The following CLIP2 variants were observed in gnomAD, a reference collection of about 807,000 sequenced individuals.
The protein encoded by CLIP2 is CAP-Gly domain containing linker protein 2.
Under a neutral mutation model 111.7 loss-of-function variants are expected in CLIP2, and 41 were observed. The observed-to-expected ratio is 0.37, with a 90% CI of 0.29 to 0.48. The LOEUF (loss-of-function observed/expected upper bound fraction) is 0.48. Ranked by LOEUF, CLIP2 falls within the 20% of genes least tolerant of loss-of-function variation. CLIP2 has a pLI of 0.99. For synonymous variants in CLIP2, 660 were observed against 644.2 expected (o/e 1.02, Z -0.37); for missense variants, 1,160 against 1,422.1 (o/e 0.82, Z 2.96).
chr7:74,357,561 G>A, intron 6 of CLIP2, 84 bp downstream of exon 6: 1 of 1,292,152 alleles, frequency 7.7e-7, no homozygotes. Context: ...ACCCTGGAGG[G>A]GGTGGGTGCA....
chr7:74,306,277 G>A (rs1260342848), intron 1 of CLIP2, among the ~76,000 whole-genome samples: 1 of 152,132 alleles, frequency 6.6e-6, no homozygotes, highest in East Asian at 1.9e-4. Context: ...TGGGGACTGC[G>A]GGTTACACCT....
Position 74,352,698 on chromosome 7 carries a change from CA to C in CLIP2, c.679-1167del, listed in dbSNP as rs56250956. ...TGAGGTAGGAGAATCAACACTGTCT[CA>C]AAAAAAAAAAAAAATTTTTAGATAT... On this transcript the variant is annotated intron_variant, in intron 3 of 16. Coordinates refer to ENST00000223398, the MANE Select transcript of CLIP2 (RefSeq NM_003388.5). Among the ~76,000 whole-genome samples the C allele has an allele frequency of 7.1e-4, 94 of 132,054 alleles. 1 individual carries two copies. Among genetic ancestry groups the C allele is most frequent in the South Asian group, 4.8e-3 (19 of 3,980 alleles). The allele number at this position is 132,054 out of a possible 152,430, so 86.6% of individuals were successfully genotyped here.
At chr7:74,384,331 G>A (rs112785054) in intron 11 of CLIP2, among the ~76,000 whole-genome samples, 52 of 151,976 alleles carry the variant, frequency 3.4e-4, no homozygotes, top group African/African-American at 1.2e-3. Context: ...TCTACCTTTT[G>A]GCTATTGTGA....
intron 1 of CLIP2, among the ~76,000 whole-genome samples, chr7:74,295,004 A>G (rs1026788066): frequency 6.6e-6 from 1 of 152,244 alleles, no homozygotes; most frequent in Non-Finnish European, 1.5e-5. Context: ...TCTGTCACCC[A>G]GGCTGGAGTG....
At chr7:74,379,115 C>G (rs1296319997) in intron 10 of CLIP2, among the ~76,000 whole-genome samples, 40 of 152,174 alleles carry the variant, frequency 2.6e-4, no homozygotes, top group Admixed American at 2.6e-3. Context: ...CTCCCCCAGT[C>G]CCTGCCCCTC....
chr7:74,363,003 GCTT>G (rs782343413), intron 7 of CLIP2, among the ~76,000 whole-genome samples: 27 of 151,092 alleles, frequency 1.8e-4, no homozygotes, highest in East Asian at 1.8e-3. Flanking sequence ...GCAGCTTTGA[GCTT>G]TTTTTTTTTT....
chr7:74,302,870 C>T (rs896850125), intron 1 of CLIP2, among the ~76,000 whole-genome samples: 1 of 152,248 alleles, frequency 6.6e-6, no homozygotes, highest in South Asian at 2.1e-4. Context: ...TGGATGGCCG[C>T]CAGGCCAATG....
chr7:74,318,794 T>C (rs1282446703), intron 2 of CLIP2, among the ~76,000 whole-genome samples: 1 of 152,172 alleles, frequency 6.6e-6, no homozygotes. Flanking sequence ...AAAGCCTGGC[T>C]TTGATGATAC....
In CLIP2 at chr7:74,376,706, C is replaced by T. The variant is rs781982310; in HGVS notation, c.2305C>T (p.Leu769=). The T allele has an allele frequency of 6.2e-7, 1 of 1,613,190 alleles. No individual in the cohort carries two copies. Among genetic ancestry groups the T allele is most frequent in the Non-Finnish European group, 8.5e-7 (1 of 1,179,802 alleles). Residue 769 remains leucine, a synonymous_variant, in exon 10 of 17, where the codon CTG becomes TTG. Transcript: ENST00000223398. The surrounding 1 kb of genome is among the most constrained non-coding windows in gnomAD (Gnocchi z 7.1). ...AEKKMLDYER[L]QRAEAQGKQE... ...GAAGAAGATGTTGGACTACGAGCGGCTGCAGCGGGCAGAAGCCCAGGGCAA... is the reference window on the plus strand; with the variant it reads ...GAAGAAGATGTTGGACTACGAGCGGTTGCAGCGGGCAGAAGCCCAGGGCAA...
intron 2 of CLIP2, among the ~76,000 whole-genome samples, chr7:74,336,185 A>G (rs1554732081): frequency 6.6e-6 from 1 of 151,756 alleles, no homozygotes; most frequent in African/African-American, 2.4e-5. Context: ...CTCCTGCCTC[A>G]GCCTCCCAAG....
chr7:74,390,207 AAGAAAG>A (rs1428095613), intron 13 of CLIP2, among the ~76,000 whole-genome samples: 1 of 98,862 alleles, frequency 1.0e-5, no homozygotes, highest in Non-Finnish European at 2.4e-5. Context: ...GAAAGAAAGA[AAGAAAG>A]AAAGAAAGAA....
intron 13 of CLIP2, among the ~76,000 whole-genome samples, chr7:74,390,209 GA>G (rs1360424164): frequency 1.0e-5 from 1 of 98,736 alleles, no homozygotes; most frequent in Non-Finnish European, 2.4e-5. Context: ...AAGAAAGAAA[GA>G]AAGAAAGAAA....
In CLIP2 at chr7:74,401,490, C is replaced by A; in HGVS notation, c.3067-15C>A. The A allele has an allele frequency of 6.2e-7, 1 of 1,613,808 alleles. No homozygotes were observed. The highest frequency in any genetic ancestry group is 8.5e-7 in the Non-Finnish European group (1 of 1,179,848). Reference sequence around the variant, plus strand: ...CCTGGTGCACCTGGCTCAGTGTCTCCCCTAACTCTTCCAGACCATCGGCAA... The same window carrying A: ...CCTGGTGCACCTGGCTCAGTGTCTCACCTAACTCTTCCAGACCATCGGCAA... On this transcript the variant is annotated splice_polypyrimidine_tract_variant and intron_variant, in intron 15 of 16. Transcript: ENST00000223398.
chr7:74,397,089 G>A lies in CLIP2; in HGVS notation c.2736G>A (p.Leu912=). 1.9e-6 allele frequency: 3 copies of A among 1,613,754 alleles called. No individual in the cohort carries two copies. The highest frequency in any genetic ancestry group is 2.5e-6 in the Non-Finnish European group (3 of 1,179,890). The part of the protein sequence containing the change: ...LLRKERSLNE[L]RVLLLEANRH... ...TCACCCCCAGGAGCCTGAACGAACT[G>A]CGGGTGTTGCTGCTGGAGGCCAATC... Residue 912 remains leucine, a synonymous_variant, in exon 14 of 17, where the codon CTG becomes CTA. Coordinates refer to ENST00000223398, the MANE Select transcript of CLIP2 (RefSeq NM_003388.5).
Position 74,390,122 on chromosome 7 carries a change from AAG to A in CLIP2, c.2720+877_2720+878del, listed in dbSNP as rs1166051106. On this transcript the variant is annotated intron_variant, in intron 13 of 16. Coordinates refer to ENST00000223398, the MANE Select transcript of CLIP2 (RefSeq NM_003388.5). ...AAAAAAGAAAGAAAGAAAGAAAGAA[AAG>A]AGAGAGAGAGAGAAAGAAAGAAAGA... is the stretch of plus-strand genomic sequence containing the variant. 3.5e-4 allele frequency among the ~76,000 whole-genome samples: 45 copies of A among 128,010 alleles called. 1 individual carries two copies. Among genetic ancestry groups the A allele is most frequent in the African/African-American group, 1.3e-3 (37 of 28,356 alleles). 84.0% of individuals were successfully genotyped at this position (128,010 alleles called of 152,430 possible).
Position 74,318,572 on chromosome 7 carries a change from G to A in CLIP2, c.121+905G>A, listed in dbSNP as rs531689371. 2.6e-5 allele frequency among the ~76,000 whole-genome samples: 4 copies of A among 152,162 alleles called. No homozygotes were observed. In the East Asian group the frequency reaches 7.7e-4, roughly 29 times the overall value. Reference sequence around the variant, plus strand: ...TGCTAAAAATACAAAAATTAGTCGGGCATGGTGGCGGGCGCCTATAGTCCC... The same window carrying A: ...TGCTAAAAATACAAAAATTAGTCGGACATGGTGGCGGGCGCCTATAGTCCC... On this transcript the variant is annotated intron_variant, in intron 2 of 16. Coordinates refer to ENST00000223398, the MANE Select transcript of CLIP2 (RefSeq NM_003388.5).
At chr7:74,370,155 C>CAAA (rs536133070) in intron 8 of CLIP2, among the ~76,000 whole-genome samples, 91 of 32,864 alleles carry the variant, frequency 2.8e-3, no homozygotes, top group South Asian at 6.2e-3. Context: ...GACTCTGCCT[C>CAAA]AAAAAAAAAA....
chr7:74,376,959 C>T lies in CLIP2; in HGVS notation c.2421+137C>T. The T allele has an allele frequency of 1.1e-6, 1 of 881,726 alleles. No homozygotes were observed. The highest frequency in any genetic ancestry group is 2.9e-5 in the Admixed American group (1 of 34,114). 54.6% of individuals were successfully genotyped at this position (881,726 alleles called of 1,614,324 possible). ...TGCCTGGGGCAGTCAAGGAAGGGGTCACCTGGCTTAGAGGAGGAGGAGCTC... is the reference window on the plus strand; with the variant it reads ...TGCCTGGGGCAGTCAAGGAAGGGGTTACCTGGCTTAGAGGAGGAGGAGCTC... On this transcript the variant is annotated intron_variant, in intron 10 of 16. Coordinates refer to ENST00000223398, the MANE Select transcript of CLIP2 (RefSeq NM_003388.5). This position sits in a 1 kb window ranked among gnomAD's most constrained non-coding sequence, Gnocchi z 7.1.
intron 1 of CLIP2, among the ~76,000 whole-genome samples, chr7:74,297,699 G>A (rs1788212339): frequency 6.6e-6 from 1 of 152,094 alleles, no homozygotes; most frequent in African/African-American, 2.4e-5. Flanking sequence ...GCTTCTCTCT[G>A]TCCTTCCCAG....
Sources: gnomAD v4.1 joint callset for allele counts (sites outside exome capture counted in the v4.1 genomes callset) on GRCh38, gnomAD v4.1.1 for gene constraint, Gnocchi (gnomAD v3.1) non-coding constraint, MANE v1.5 for transcripts, NCBI Gene and HGNC (gene_info 2026-07-23, HGNC 2026-07-21) for gene names.